NPY2R: variants seen among roughly 807,000 people sequenced by gnomAD.
NPY2R encodes the protein neuropeptide Y receptor type 2.
In NPY2R, 17 loss-of-function variants were observed where a neutral mutation model predicts 22.3. That is an observed-to-expected ratio of 0.76 (90% CI 0.52 to 1.14). NPY2R has a LOEUF of 1.14. NPY2R is among the 50% of genes most tolerant of loss of function. The pLI, the probability that NPY2R is intolerant of heterozygous loss-of-function variation, is 0.00. For missense variants in NPY2R, 424 were observed against 467.9 expected, an observed-to-expected ratio of 0.91 and a Z score of 0.87; for synonymous variants, 209 against 183.4, an observed-to-expected ratio of 1.14 and a Z score of -1.13.
the NPY2R span, among the ~76,000 whole-genome samples, chr4:155,174,481 T>TA: frequency 2.2e-5 from 2 of 90,966 alleles, no homozygotes; most frequent in African/African-American, 1.1e-4. Context: ...TATATATATA[T>TA]ATATTTTTTT....
intron 1 of NPY2R, among the ~76,000 whole-genome samples, chr4:155,209,350 C>A (rs1729354429): frequency 1.3e-5 from 2 of 152,170 alleles, no homozygotes; most frequent in South Asian, 4.1e-4. Context: ...ATTGTTCCTG[C>A]CTCTTTAAAA....
At chr4:155,203,867 C>G (rs907261247), upstream of NPY2R, among the ~76,000 whole-genome samples, 6 of 152,186 alleles carry the variant, frequency 3.9e-5, no homozygotes, top group African/African-American at 1.4e-4. Context: ...TATTTCCTAA[C>G]TAGGAACTCA....
chr4:155,183,048 C>A, the NPY2R span, among the ~76,000 whole-genome samples: 1 of 152,096 alleles, frequency 6.6e-6, no homozygotes, highest in Admixed American at 6.6e-5. Context: ...CTGCCTTGGC[C>A]TCTCAAAGTG....
At chr4:155,198,526 T>C in the NPY2R span, among the ~76,000 whole-genome samples, 1 of 94,020 alleles carries the variant, frequency 1.1e-5, no homozygotes, top group Non-Finnish European at 2.4e-5. Context: ...ATTTTATAAA[T>C]ATATATCAAA....
intron 1 of NPY2R, among the ~76,000 whole-genome samples, chr4:155,212,926 A>C (rs1729435820): frequency 6.6e-6 from 1 of 152,212 alleles, no homozygotes; most frequent in Non-Finnish European, 1.5e-5. Flanking sequence ...GTGGTATGTA[A>C]TACACCATGG....
the NPY2R span, among the ~76,000 whole-genome samples, chr4:155,196,833 G>A: frequency 1.3e-5 from 2 of 151,864 alleles, no homozygotes; most frequent in Non-Finnish European, 1.5e-5. Flanking sequence ...TGATTCTAAT[G>A]TGGGCCTTCA....
At chr4:155,175,419 A>G in the NPY2R span, among the ~76,000 whole-genome samples, 2 of 152,136 alleles carry the variant, frequency 1.3e-5, no homozygotes, top group Non-Finnish European at 2.9e-5. Context: ...TATCTGTACT[A>G]TCTGTATTAA....
chr4:155,185,194 C>A, the NPY2R span, among the ~76,000 whole-genome samples: 1 of 151,804 alleles, frequency 6.6e-6, no homozygotes, highest in African/African-American at 2.4e-5. Context: ...CGCCTGCCAC[C>A]ACGCGTGGCT....
At chr4:155,212,744 G>A (rs1196692953) in intron 1 of NPY2R, among the ~76,000 whole-genome samples, 1 of 152,162 alleles carries the variant, frequency 6.6e-6, no homozygotes, top group African/African-American at 2.4e-5. Flanking sequence ...GAAAATAGGT[G>A]GAAGAGATAT....
the NPY2R span, among the ~76,000 whole-genome samples, chr4:155,187,762 C>T: frequency 6.6e-6 from 1 of 152,060 alleles, no homozygotes. Context: ...AAGGTGAGTT[C>T]AGAAACTATT....
At chr4:155,195,185 T>C in the NPY2R span, among the ~76,000 whole-genome samples, 1 of 151,994 alleles carries the variant, frequency 6.6e-6, no homozygotes, top group Non-Finnish European at 1.5e-5. Context: ...CTGCAGCAGC[T>C]TCTGAAGAAC....
chr4:155,181,020 T>C, the NPY2R span, among the ~76,000 whole-genome samples: 2 of 152,030 alleles, frequency 1.3e-5, no homozygotes, highest in East Asian at 1.9e-4. Context: ...ATAAACAAAT[T>C]ATATTTTTCC....
the NPY2R span, among the ~76,000 whole-genome samples, chr4:155,179,844 A>G: frequency 6.7e-6 from 1 of 150,124 alleles, no homozygotes; most frequent in Non-Finnish European, 1.5e-5. Context: ...TCAAGTCAAT[A>G]AGACCAGTGG....
the NPY2R span, among the ~76,000 whole-genome samples, chr4:155,179,672 C>T: frequency 6.6e-6 from 1 of 152,204 alleles, no homozygotes; most frequent in Non-Finnish European, 1.5e-5. Flanking sequence ...TATGTTGGCT[C>T]ATGCGAGCTC....
At chr4:155,210,648 G>A (rs564783995) in intron 1 of NPY2R, among the ~76,000 whole-genome samples, 6 of 151,876 alleles carry the variant, frequency 4.0e-5, no homozygotes, top group South Asian at 2.1e-4. Context: ...TTACTAAGGA[G>A]TGGAGGCACA....
the NPY2R span, among the ~76,000 whole-genome samples, chr4:155,188,211 A>G: frequency 1.5e-3 from 225 of 152,254 alleles, 1 homozygote; most frequent in South Asian, 0.013. Context: ...TATACACTCA[A>G]TGACCATGTC....
chr4:155,192,001 C>A, the NPY2R span, among the ~76,000 whole-genome samples: 1 of 151,790 alleles, frequency 6.6e-6, no homozygotes, highest in Admixed American at 6.6e-5. Flanking sequence ...TCATTGTATG[C>A]AAAATATTAT....
chr4:155,180,354 A>C, the NPY2R span, among the ~76,000 whole-genome samples: 4 of 152,354 alleles, frequency 2.6e-5, no homozygotes, highest in African/African-American at 9.6e-5. Flanking sequence ...TTTAACACAA[A>C]GAGTGCTAAC....
the NPY2R span, among the ~76,000 whole-genome samples, chr4:155,182,704 G>A: frequency 6.6e-6 from 1 of 152,078 alleles, no homozygotes; most frequent in Admixed American, 6.6e-5. Flanking sequence ...GTTTTAAATA[G>A]GAACTTGGAA....
Sources: allele counts gnomAD v4.1 joint callset (sites outside exome capture counted in the v4.1 genomes callset), GRCh38; gene constraint gnomAD v4.1.1; transcripts MANE v1.5; gene names NCBI Gene and HGNC (gene_info 2026-07-23, HGNC 2026-07-21).